The following PACRG variants were observed in gnomAD, a reference collection of about 807,000 sequenced individuals.
The protein encoded by PACRG is parkin coregulated.
PACRG carries 29 observed loss-of-function variants against 29.7 expected under a neutral mutation model. The ratio of observed to expected loss-of-function variants is 0.98; its 90% CI spans 0.73 to 1.33. PACRG has a LOEUF of 1.33. PACRG is among the 40% of genes most tolerant of loss of function. PACRG has a pLI of 0.00. For missense variants in PACRG, 279 were observed against 316.2 expected, an observed-to-expected ratio of 0.88 and a Z score of 0.89; for synonymous variants, 116 against 118.7, an observed-to-expected ratio of 0.98 and a Z score of 0.15.
intron 2 of PACRG, among the ~76,000 whole-genome samples, chr6:163,012,282 C>T (rs1033943845): frequency 9.9e-5 from 15 of 152,180 alleles, no homozygotes; most frequent in Non-Finnish European, 4.4e-5. Context: ...TGACATTTCA[C>T]ATTCATTCAG....
chr6:163,177,336 G>A (rs1562951039), intron 4 of PACRG, among the ~76,000 whole-genome samples: 1 of 152,160 alleles, frequency 6.6e-6, no homozygotes, highest in East Asian at 1.9e-4. Flanking sequence ...CTGTTTTCGA[G>A]CATGTCCATT....
intron 4 of PACRG, among the ~76,000 whole-genome samples, chr6:163,118,775 C>T (rs1002984220): frequency 6.6e-6 from 1 of 152,186 alleles, no homozygotes; most frequent in Admixed American, 6.6e-5. Context: ...GGGTTGCATT[C>T]TCTTAGTGAT....
chr6:163,215,061 G>A (rs192175261), intron 4 of PACRG, among the ~76,000 whole-genome samples: 27 of 151,028 alleles, frequency 1.8e-4, no homozygotes, highest in Admixed American at 1.8e-3. Flanking sequence ...TGACCCATTT[G>A]TAATTTTTTT....
intron 2 of PACRG, among the ~76,000 whole-genome samples, chr6:162,995,052 C>T (rs1803851187): frequency 6.6e-6 from 1 of 151,372 alleles, no homozygotes; most frequent in South Asian, 2.1e-4. Flanking sequence ...TTAGGCTGCT[C>T]AGGGGTCAGG....
intron 4 of PACRG, among the ~76,000 whole-genome samples, chr6:163,124,120 G>T (rs1412981308): frequency 6.6e-6 from 1 of 152,174 alleles, no homozygotes; most frequent in African/African-American, 2.4e-5. Flanking sequence ...CAAGTCCTTT[G>T]CATGTTGTAA....
In PACRG at chr6:162,819,380, T is replaced by C. The variant is rs556485704; in HGVS notation, c.291+5099T>C. Among the ~76,000 whole-genome samples, 5 of 152,356 alleles carry C rather than the reference T, an allele frequency of 3.3e-5. No homozygotes were observed. In the South Asian group the frequency reaches 8.3e-4, roughly 25 times the overall value. ...CTTATTAATCAGGTAACTATACACATTTAATACTTTTTATAAATAAATGTT... is the reference window on the plus strand; with the variant it reads ...CTTATTAATCAGGTAACTATACACACTTAATACTTTTTATAAATAAATGTT... On this transcript the variant is annotated intron_variant, in intron 2 of 4. Coordinates refer to ENST00000366888, the MANE Select transcript of PACRG (RefSeq NM_001080379.2).
At chr6:163,297,583 C>A (rs1448054579) in intron 4 of PACRG, among the ~76,000 whole-genome samples, 2 of 152,060 alleles carry the variant, frequency 1.3e-5, no homozygotes, top group African/African-American at 4.8e-5. Context: ...TTAGAGGCTC[C>A]CCATACATTA....
rs562060116 is a variant in PACRG at position 163,233,265 on chromosome 6, G to GT, written c.614-81561dup. ...ATTATTTAGGGACAAAGCTGAAGGT[G>GT]TGTGAATGGATGGATGAAGAGATGG... On this transcript the variant is annotated intron_variant, in intron 4 of 4. Coordinates refer to ENST00000366888, the MANE Select transcript of PACRG (RefSeq NM_001080379.2). Among the ~76,000 whole-genome samples, 437 of 152,336 alleles carry GT rather than the reference G, an allele frequency of 2.9e-3. 3 individuals are homozygous for GT. Among genetic ancestry groups the GT allele is most frequent in the African/African-American group, 0.01 (427 of 41,576 alleles).
At chr6:162,885,687 T>C (rs1794275009) in intron 2 of PACRG, among the ~76,000 whole-genome samples, 1 of 152,192 alleles carries the variant, frequency 6.6e-6, no homozygotes, top group African/African-American at 2.4e-5. Flanking sequence ...AGGAGCAGTA[T>C]TGGCTAATTC....
intron 4 of PACRG, among the ~76,000 whole-genome samples, chr6:163,255,558 A>G (rs1783072577): frequency 6.6e-6 from 1 of 152,060 alleles, no homozygotes; most frequent in Non-Finnish European, 1.5e-5. Context: ...GGAGAAAGAG[A>G]CCTGGGCCTT....
At chr6:163,138,479 G>A (rs1338787537) in intron 4 of PACRG, among the ~76,000 whole-genome samples, 2 of 152,184 alleles carry the variant, frequency 1.3e-5, no homozygotes, top group Non-Finnish European at 2.9e-5. Flanking sequence ...GTGAACAGGG[G>A]AGAAGGTGGT....
intron 4 of PACRG, among the ~76,000 whole-genome samples, chr6:163,104,648 G>C (rs577485793): frequency 3.9e-5 from 6 of 152,116 alleles, no homozygotes; most frequent in Non-Finnish European, 5.9e-5. Flanking sequence ...GTAAGATATA[G>C]AGCAAGCTTA....
At chr6:163,224,995 T>C (rs1308184749) in intron 4 of PACRG, among the ~76,000 whole-genome samples, 1 of 152,144 alleles carries the variant, frequency 6.6e-6, no homozygotes, top group Non-Finnish European at 1.5e-5. Flanking sequence ...AACAATTTGA[T>C]AGCAAGAAAA....
intron 4 of PACRG, among the ~76,000 whole-genome samples, chr6:163,233,129 T>C (rs1275155776): frequency 6.6e-6 from 1 of 152,250 alleles, no homozygotes; most frequent in Non-Finnish European, 1.5e-5. Flanking sequence ...CCCCAAGAAG[T>C]ATTCTTTGCT....
chr6:162,824,508 C>T (rs963657580), intron 2 of PACRG, among the ~76,000 whole-genome samples: 15 of 152,042 alleles, frequency 9.9e-5, no homozygotes, highest in African/African-American at 1.9e-4. Flanking sequence ...ACAGATTTGC[C>T]GTTGCATTTT....
At chr6:163,160,325 A>G (rs987648527) in intron 4 of PACRG, among the ~76,000 whole-genome samples, 2 of 152,214 alleles carry the variant, frequency 1.3e-5, no homozygotes, top group Non-Finnish European at 2.9e-5. Flanking sequence ...CAAAGACTCA[A>G]TAATCATGTT....
intron 2 of PACRG, among the ~76,000 whole-genome samples, chr6:162,906,038 A>G (rs1254098518): frequency 1.3e-5 from 2 of 152,124 alleles, no homozygotes; most frequent in African/African-American, 2.4e-5. Flanking sequence ...TTGATACAGA[A>G]AAAAAGGGGG....
intron 1 of PACRG, among the ~76,000 whole-genome samples, chr6:162,789,551 A>G (rs1784774513): frequency 6.6e-6 from 1 of 152,152 alleles, no homozygotes; most frequent in Non-Finnish European, 1.5e-5. Context: ...TTTTTTCTTT[A>G]CAGAGATGAA....
At chr6:162,795,575 T>A (rs964646954) in intron 1 of PACRG, among the ~76,000 whole-genome samples, 6 of 152,308 alleles carry the variant, frequency 3.9e-5, no homozygotes, top group Middle Eastern at 3.4e-3. Flanking sequence ...ACTAATTTTT[T>A]AAAATAATTC....
Sources: gnomAD v4.1 joint callset for allele counts (sites outside exome capture counted in the v4.1 genomes callset) on GRCh38, gnomAD v4.1.1 for gene constraint, MANE v1.5 for transcripts, NCBI Gene and HGNC (gene_info 2026-07-23, HGNC 2026-07-21) for gene names.